Variants in AKAP10 observed in about 807,000 individuals in gnomAD.
AKAP10 encodes A-kinase anchoring protein 10.
AKAP10 carries 24 observed loss-of-function variants against 80.8 expected under a neutral mutation model. The ratio of observed to expected loss-of-function variants is 0.30; its 90% CI spans 0.22 to 0.42. AKAP10 has a LOEUF of 0.42. AKAP10 is among the 10% of genes least tolerant of loss of function. The pLI is 1.00. For synonymous variants in AKAP10, 291 were observed against 277.7 expected (o/e 1.05, Z -0.48); for missense variants, 661 against 794.9 (o/e 0.83, Z 2.03).
Position 19,958,571 on chromosome 17 carries a change from C to A in AKAP10, c.320G>T (p.Gly107Val). Reference protein sequence around the residue: ...HMEAAHFGDLGRSCLDYQTQE... With the variant: ...HMEAAHFGDLVRSCLDYQTQE... ...AGTCTGGTAGTCCAGACAAGATCTG[C>A]CTAAAAGATAGAAGCAAAAGAATTA... Residue 107 changes from glycine (G) to valine (V), a missense_variant and splice_region_variant, in exon 4 of 15, where the codon GGC (glycine) becomes GTC (valine). Gly to Val is a moderately radical substitution (Grantham distance 109). Transcript: ENST00000225737. 3 of 1,581,572 alleles carry A rather than the reference C, an allele frequency of 1.9e-6. No homozygotes were observed. The highest frequency in any genetic ancestry group is 2.6e-6 in the Non-Finnish European group (3 of 1,170,266).
chr17:19,938,829 C>T (rs1041756510), intron 8 of AKAP10, among the ~76,000 whole-genome samples: 2 of 151,776 alleles, frequency 1.3e-5, no homozygotes, highest in Non-Finnish European at 2.9e-5. Flanking sequence ...CCTCCCAAGG[C>T]TCAGGTGATC....
intron 5 of AKAP10, among the ~76,000 whole-genome samples, 154 bp from the exon 6 acceptor site, chr17:19,942,064 T>C (rs768264976): frequency 2.0e-5 from 3 of 152,204 alleles, no homozygotes; most frequent in Non-Finnish European, 4.4e-5. Flanking sequence ...GATCTTAAAA[T>C]AGAAAGTCTT....
intron 4 of AKAP10, among the ~76,000 whole-genome samples, chr17:19,957,279 TG>T (rs1954380766): frequency 6.6e-6 from 1 of 152,000 alleles, no homozygotes; most frequent in African/African-American, 2.4e-5. Context: ...CGGTGGCTCA[TG>T]CCTGTAATCC....
intron 5 of AKAP10, 115 bp from the exon 6 acceptor site, chr17:19,942,025 A>G: frequency 1.5e-6 from 1 of 671,636 alleles, no homozygotes; most frequent in Non-Finnish European, 2.2e-6. Flanking sequence ...GGTTTTAAAT[A>G]GAACTAAAAG....
chr17:19,970,240 G>C (rs1050617441), intron 1 of AKAP10, among the ~76,000 whole-genome samples: 5 of 152,014 alleles, frequency 3.3e-5, no homozygotes, highest in Non-Finnish European at 4.4e-5. Context: ...CAAAATTCCG[G>C]AAGTCATCCT....
At chr17:19,957,864 A>G (rs952418770) in intron 4 of AKAP10, 150 bp downstream of exon 4, 30 of 798,308 alleles carry the variant, frequency 3.8e-5, no homozygotes, top group Non-Finnish European at 5.0e-5. Flanking sequence ...ATCTGACTCT[A>G]CTACACTCTC....
intron 5 of AKAP10, among the ~76,000 whole-genome samples, chr17:19,944,539 C>T (rs1325090067): frequency 1.3e-5 from 2 of 152,062 alleles, no homozygotes; most frequent in African/African-American, 4.8e-5. Context: ...CCTGTAGTCC[C>T]AGCTACTTGG....
At chr17:19,914,728 T>TC (rs2042727300) in intron 12 of AKAP10, among the ~76,000 whole-genome samples, 2 of 150,468 alleles carry the variant, frequency 1.3e-5, no homozygotes, top group South Asian at 4.2e-4. Context: ...GTTGGGAAGG[T>TC]CCCTCTCTGA....
chr17:19,924,750 A>G (rs1204917787), intron 10 of AKAP10, among the ~76,000 whole-genome samples: 5 of 152,156 alleles, frequency 3.3e-5, no homozygotes, highest in Non-Finnish European at 7.3e-5. Flanking sequence ...ACTGAAGCCT[A>G]TAATTCCTAG....
At chr17:19,924,681 C>T (rs2042857029) in intron 10 of AKAP10, among the ~76,000 whole-genome samples, 164 bp from the exon 11 acceptor site, 1 of 152,144 alleles carries the variant, frequency 6.6e-6, no homozygotes, top group African/African-American at 2.4e-5. Context: ...GAAATGTAAC[C>T]TCATACTATA....
At chr17:19,946,271 ATATATTTTTTTTTTT>A (rs2043127411) in intron 5 of AKAP10, among the ~76,000 whole-genome samples, 1 of 23,362 alleles carries the variant, frequency 4.3e-5, no homozygotes, top group African/African-American at 1.7e-4. Context: ...ATATATATAT[ATATATTTTTTTTTTT>A]TTTTTTTTTT....
At chr17:19,970,265 TATTAC>T (rs1360105638) in intron 1 of AKAP10, among the ~76,000 whole-genome samples, 1 of 152,160 alleles carries the variant, frequency 6.6e-6, no homozygotes, top group Non-Finnish European at 1.5e-5. Flanking sequence ...ATGGTCTGTT[TATTAC>T]CTTCCACATA....
At chr17:19,925,996 A>C (rs527452150) in intron 10 of AKAP10, among the ~76,000 whole-genome samples, 1 of 152,054 alleles carries the variant, frequency 6.6e-6, no homozygotes, top group Non-Finnish European at 1.5e-5. Context: ...CCACAAATAC[A>C]CTCTCACATT....
At position 19,977,687 on chromosome 17, in the gene AKAP10, C is replaced by G. The variant is rs1160644483; in HGVS notation, c.-8G>C. 1.6e-6 allele frequency: 2 copies of G among 1,234,586 alleles called. No individual in the cohort carries two copies. The highest frequency in any genetic ancestry group is 2.0e-6 in the Non-Finnish European group (2 of 986,866). 76.5% of individuals were successfully genotyped at this position (1,234,586 alleles called of 1,614,324 possible). A position where few individuals can be genotyped will look rare whatever the true frequency, so the allele number is the denominator to read the frequency against. ...GGGCCCGGCTCCCCTCATTCAGCAA[C>G]CGGCCCGGACTTCCGGGTCCAGAGG... On this transcript the variant is annotated 5_prime_UTR_variant, in exon 1 of 15. Transcript: ENST00000225737.
At chr17:19,961,321 C>CA (rs893284755) in intron 3 of AKAP10, among the ~76,000 whole-genome samples, 3 of 151,634 alleles carry the variant, frequency 2.0e-5, no homozygotes, top group African/African-American at 7.3e-5. Flanking sequence ...CACTGTACTC[C>CA]AGCCTGCGCA....
intron 2 of AKAP10, among the ~76,000 whole-genome samples, chr17:19,964,709 G>T (rs1026743973): frequency 6.6e-6 from 1 of 152,166 alleles, no homozygotes; most frequent in Admixed American, 6.6e-5. Flanking sequence ...GGCCAACATG[G>T]TGAAACCCCA....
At chr17:19,920,988 ATGCTG>A in intron 11 of AKAP10, among the ~76,000 whole-genome samples, 1 of 148,840 alleles carries the variant, frequency 6.7e-6, no homozygotes, top group South Asian at 2.1e-4. Flanking sequence ...ATGAAGTGTC[ATGCTG>A]AAAAAATATA....
At position 19,924,945 on chromosome 17, in the gene AKAP10, C is replaced by T. The variant is rs979283059; in HGVS notation, c.1642-428G>A. 2.6e-5 allele frequency among the ~76,000 whole-genome samples: 4 copies of T among 152,224 alleles called. No individual in the cohort carries two copies. In the South Asian group the frequency reaches 8.3e-4, roughly 32 times the overall value. ...TTGGGAGGCTGAGGCAGGCCGATCA[C>T]TTGAGGCCAAGAGTTCGAGGCCAGC... On this transcript the variant is annotated intron_variant, in intron 10 of 14. Transcript: ENST00000225737.
At chr17:19,919,419 C>T (rs1356641188) in intron 12 of AKAP10, among the ~76,000 whole-genome samples, 1 of 152,104 alleles carries the variant, frequency 6.6e-6, no homozygotes, top group Non-Finnish European at 1.5e-5. Context: ...CATGGTGGCT[C>T]ACACTTGTAA....
Sources: gnomAD v4.1 joint callset for allele counts (sites outside exome capture counted in the v4.1 genomes callset) on GRCh38, gnomAD v4.1.1 for gene constraint, MANE v1.5 for transcripts, NCBI Gene and HGNC (gene_info 2026-07-23, HGNC 2026-07-21) for gene names.